The following TACC1 variants were observed in gnomAD, a reference collection of about 807,000 sequenced individuals.
The protein encoded by TACC1 is transforming acidic coiled-coil-containing protein 1.
In TACC1, 48 loss-of-function variants were observed where a neutral mutation model predicts 84.4. The ratio of observed to expected loss-of-function variants is 0.57; its 90% CI spans 0.45 to 0.72. TACC1 has a LOEUF of 0.72. TACC1 is among the 30% of genes least tolerant of loss of function. The pLI is 0.00. For missense variants in TACC1, 920 were observed against 973.0 expected, an observed-to-expected ratio of 0.95 and a Z score of 0.72; for synonymous variants, 372 against 376.3, an observed-to-expected ratio of 0.99 and a Z score of 0.13.
intron 2 of TACC1, 35 bp downstream of exon 2, chr8:38,788,854 G>C: frequency 6.6e-7 from 1 of 1,513,936 alleles, no homozygotes; most frequent in Admixed American, 2.1e-5. Flanking sequence ...TGCCTGTTTT[G>C]TTTCAAAAGT....
At chr8:38,808,715 C>G (rs998137917) in intron 2 of TACC1, among the ~76,000 whole-genome samples, 10 of 152,348 alleles carry the variant, frequency 6.6e-5, no homozygotes, top group African/African-American at 2.2e-4. Flanking sequence ...TGGTCCTGGC[C>G]TAGTGTTTTA....
chr8:38,794,927 GA>G (rs1214224408), intron 2 of TACC1, among the ~76,000 whole-genome samples: 2 of 152,186 alleles, frequency 1.3e-5, no homozygotes, highest in Non-Finnish European at 1.5e-5. Context: ...GTTTTGCTGT[GA>G]TTGCCTCTTC....
chr8:38,822,052 C>CCCACACACACCGA (rs1489423283), intron 3 of TACC1, among the ~76,000 whole-genome samples: 1 of 151,856 alleles, frequency 6.6e-6, no homozygotes, highest in Non-Finnish European at 1.5e-5. Context: ...GAGACACCCC[C>CCCACACACACCGA]CCACACACAC....
At chr8:38,829,001 C>G (rs998347234) in intron 5 of TACC1, among the ~76,000 whole-genome samples, 4 of 152,172 alleles carry the variant, frequency 2.6e-5, no homozygotes, top group African/African-American at 9.7e-5. Flanking sequence ...CCTGGGCTAA[C>G]CAGGGTGGAA....
At chr8:38,839,972 G>C (rs765821186) in intron 8 of TACC1, 2 of 281,888 alleles carry the variant, frequency 7.1e-6, no homozygotes, top group Non-Finnish European at 1.3e-5. Context: ...AGGGAAGGCA[G>C]TTGGTTCTAT....
At position 38,820,430 on chromosome 8, in the gene TACC1, C is replaced by A. The variant is rs1383370409; in HGVS notation, c.1186C>A (p.Pro396Thr). 1.2e-6 allele frequency: 2 copies of A among 1,614,046 alleles called. No individual in the cohort carries two copies. The highest frequency in any genetic ancestry group is 1.7e-6 in the Non-Finnish European group (2 of 1,180,040). ...PSQWESPSFNPFGSHSVLQNS... is the reference protein window; with the variant it reads ...PSQWESPSFNTFGSHSVLQNS... ...TCAGTGGGAAAGCCCCAGCTTCAAC[C>A]CCTTTGGGAGCCACTCTGTTCTGCA... is the stretch of plus-strand genomic sequence containing the variant. Residue 396 changes from proline (P) to threonine (T), a missense_variant, in exon 3 of 13, where the codon CCC becomes ACC. Pro to Thr is a conservative substitution (Grantham distance 38). This residue lies in a region of TACC1 where 762 missense variants were observed against 747.3 expected (regional missense o/e 1.02). Transcript: ENST00000317827.
At chr8:38,779,885 G>A (rs1035905137) in intron 3 of TACC1, among the ~76,000 whole-genome samples, 1 of 152,194 alleles carries the variant, frequency 6.6e-6, no homozygotes, top group African/African-American at 2.4e-5. Flanking sequence ...TAAATGAGAC[G>A]ATTCATGTAA....
chr8:38,744,303 A>C (rs1807639633), intron 2 of TACC1, among the ~76,000 whole-genome samples: 1 of 152,000 alleles, frequency 6.6e-6, no homozygotes, highest in Non-Finnish European at 1.5e-5. Flanking sequence ...TTTAGTAGAG[A>C]CGGGGATTCA....
chr8:38,752,332 G>A (rs1002027322), intron 3 of TACC1, among the ~76,000 whole-genome samples: 15 of 152,106 alleles, frequency 9.9e-5, no homozygotes, highest in Non-Finnish European at 2.1e-4. Context: ...TTAGCCAGAT[G>A]TGGTGGCGTG....
chr8:38,792,541 C>T (rs971155847), intron 2 of TACC1, among the ~76,000 whole-genome samples: 5 of 152,138 alleles, frequency 3.3e-5, no homozygotes, highest in Non-Finnish European at 7.3e-5. Context: ...TCTCGGCTCA[C>T]TGCAAGCTCC....
chr8:38,745,272 G>A, exon 3 of TACC1: 1 of 511,284 alleles, frequency 2.0e-6, no homozygotes, highest in Non-Finnish European at 3.5e-6. Flanking sequence ...AGAGCTCGCA[G>A]TTCAGGCCCA....
chr8:38,733,938 C>T lies in TACC1; in HGVS notation c.-675+5267C>T, dbSNP rs573178691. Among the ~76,000 whole-genome samples, 106 of 152,266 alleles carry T rather than the reference C, an allele frequency of 7.0e-4. 2 individuals are homozygous for T. In the South Asian group the frequency reaches 0.021, roughly 30 times the overall value. ...GAGAGTTTTTTAAAATGTTGGAATT[C>T]GGGTCCTCCTTAGACGTCCCTGCCT... On this transcript the variant is annotated intron_variant, in intron 1 of 14. Coordinates refer to the TACC1 transcript ENST00000518415.
intron 1 of TACC1, among the ~76,000 whole-genome samples, chr8:38,730,753 C>T (rs144978682): frequency 3.9e-5 from 6 of 152,246 alleles, no homozygotes; most frequent in Admixed American, 1.3e-4. Context: ...CGTATTTTGT[C>T]GAAGAATGCC....
chr8:38,756,549 G>GTGTT (rs575044572), intron 3 of TACC1, among the ~76,000 whole-genome samples: 32 of 152,196 alleles, frequency 2.1e-4, no homozygotes, highest in African/African-American at 5.1e-4. Context: ...ATAGGGATAG[G>GTGTT]TGTTTGTTTG....
intron 11 of TACC1, among the ~76,000 whole-genome samples, chr8:38,845,845 C>T (rs1052491049): frequency 1.3e-5 from 2 of 152,352 alleles, no homozygotes; most frequent in Admixed American, 6.5e-5. Context: ...CCTTGTATCT[C>T]GGCCCACACA....
intron 3 of TACC1, among the ~76,000 whole-genome samples, chr8:38,779,840 T>C (rs1815578816): frequency 6.6e-6 from 1 of 152,226 alleles, no homozygotes; most frequent in Non-Finnish European, 1.5e-5. Flanking sequence ...TAACAATACT[T>C]TCCTCCTGAG....
chr8:38,798,900 T>A (rs1179174546), intron 2 of TACC1, among the ~76,000 whole-genome samples: 2 of 152,170 alleles, frequency 1.3e-5, no homozygotes, highest in African/African-American at 4.8e-5. Context: ...TTCTCCATTT[T>A]AAGGCTGATG....
chr8:38,751,903 TAGAAC>T (rs1809102021), intron 3 of TACC1, among the ~76,000 whole-genome samples: 2 of 152,172 alleles, frequency 1.3e-5, no homozygotes, highest in African/African-American at 4.8e-5. Flanking sequence ...CTAAAGCACT[TAGAAC>T]AGAATCTGAG....
chr8:38,813,118 C>CT (rs1824603514), intron 2 of TACC1, among the ~76,000 whole-genome samples: 1 of 152,134 alleles, frequency 6.6e-6, no homozygotes, highest in Non-Finnish European at 1.5e-5. Context: ...TTTGTAGACT[C>CT]TATCATGTTT....
Sources: gnomAD v4.1 joint callset for allele counts (sites outside exome capture counted in the v4.1 genomes callset) on GRCh38, gnomAD v4.1.1 for gene constraint, gnomAD v4.1.1 regional missense constraint, MANE v1.5 for transcripts, NCBI Gene and HGNC (gene_info 2026-07-23, HGNC 2026-07-21) for gene names.